Variants in LRFN4 observed in about 807,000 individuals in gnomAD.
The protein encoded by LRFN4 is leucine-rich repeat and fibronectin type-III domain-containing protein 4.
In LRFN4, 10 loss-of-function variants were observed where a neutral mutation model predicts 29.0. The observed-to-expected ratio is 0.35, with a 90% CI of 0.21 to 0.59. The LOEUF is 0.59. LRFN4 is among the 20% of genes least tolerant of loss of function. The pLI is 0.82. For synonymous variants in LRFN4, 493 were observed against 437.0 expected (o/e 1.13, Z -1.60); for missense variants, 850 against 907.9 (o/e 0.94, Z 0.82).
chr11:66,860,380 C>A lies in LRFN4; in HGVS notation c.*185C>A. The A allele has an allele frequency of 1.2e-6, 1 of 867,388 alleles. No individual in the cohort carries two copies. Among genetic ancestry groups the A allele is most frequent in the Non-Finnish European group, 1.9e-6 (1 of 535,770 alleles). 53.7% of individuals were successfully genotyped at this position (867,388 alleles called of 1,614,324 possible). A position where few individuals can be genotyped will look rare whatever the true frequency, so the allele number is the denominator to read the frequency against. On this transcript the variant is annotated 3_prime_UTR_variant, in exon 2 of 2. Coordinates refer to ENST00000309602, the MANE Select transcript of LRFN4 (RefSeq NM_024036.5). ...CCTCCAGACCAGGGTAAGGGCAGGC[C>A]CCTCCAACAGGTGCTCACAGCCACC...
rs755081816 is a variant in LRFN4 at position 66,858,298 on chromosome 11, C to T, written c.554C>T (p.Pro185Leu). The T allele has an allele frequency of 1.9e-6, 3 of 1,611,136 alleles. No homozygotes were observed. The highest frequency in any genetic ancestry group is 2.2e-5 in the South Asian group (2 of 91,076). The change falls in exon 1 of 2, where the codon CCC becomes CTC. Residue 185 changes from proline to leucine, a missense_variant. This residue lies in a region of LRFN4 where 744 missense variants were observed against 753.8 expected (regional missense o/e 0.99). Coordinates refer to ENST00000309602, the MANE Select transcript of LRFN4 (RefSeq NM_024036.5). The surrounding 1 kb of genome is among the most constrained non-coding windows in gnomAD (Gnocchi z 5.9). ...GACCATAACCTTATTGACGCACTGC[C>T]CCCAGGCGCCTTCGCCCAGCTCGGT... ...NLDHNLIDAL[P>L]PGAFAQLGQL...
In LRFN4 at chr11:66,859,927, G is replaced by C. The variant is rs781543693; in HGVS notation, c.1640G>C (p.Gly547Ala). The stretch of plus-strand genomic sequence containing the variant: ...GTTCGGGGCCGGGGGGCCGGAAATG[G>C]CCGCCTCCCCCTCAAGCTCAGCCAC... Reference protein sequence around the residue: ...LLVRGRGAGNGRLPLKLSHVQ... With the variant: ...LLVRGRGAGNARLPLKLSHVQ... The change falls in exon 2 of 2, where the codon GGC becomes GCC. Residue 547 changes from glycine (G) to alanine (A), a missense_variant. Coordinates refer to ENST00000309602, the MANE Select transcript of LRFN4 (RefSeq NM_024036.5). 1.0e-5 allele frequency: 16 copies of C among 1,588,132 alleles called. No individual in the cohort carries two copies. The Middle Eastern group carries it at 9.3e-4, about 93-fold the overall frequency.
rs895890272 is a variant in LRFN4, at chr11:66,858,723, C to G, written c.979C>G (p.Arg327Gly). The change falls in exon 1 of 2, where the codon CGA becomes GGA. Residue 327 changes from arginine to glycine, a missense_variant. Arg to Gly is a moderately radical substitution (Grantham distance 125). Around this residue, in one of 2 missense-constraint regions of LRFN4, gnomAD observed 744 missense variants for 753.8 expected, o/e 0.99. Transcript: ENST00000309602. The surrounding 1 kb of genome is among the most constrained non-coding windows in gnomAD (Gnocchi z 5.9). The stretch of plus-strand genomic sequence containing the variant: ...CGACCGGTTGGTTGGCAACTCCTCC[C>G]GAGCCCGGGCTTTCCCCAACGGGAC... ...PDDRLVGNSS[R>G]ARAFPNGTLE... The G allele has an allele frequency of 1.3e-6, 2 of 1,552,150 alleles. No homozygotes were observed. Among genetic ancestry groups the G allele is most frequent in the South Asian group, 1.2e-5 (1 of 84,704 alleles).
Position 66,857,839 on chromosome 11 carries a change from C to A in LRFN4, c.95C>A (p.Thr32Asn). 1 of 1,606,804 alleles carries A rather than the reference C, an allele frequency of 6.2e-7. No homozygotes were observed. Residue 32 changes from threonine (T) to asparagine (N), a missense_variant, in exon 1 of 2, where the codon ACC (threonine) becomes AAC (asparagine). Coordinates refer to ENST00000309602, the MANE Select transcript of LRFN4 (RefSeq NM_024036.5). This position sits in a 1 kb window ranked among gnomAD's most constrained non-coding sequence, Gnocchi z 7.1. ...VCQNLSESLS[T>N]LCAHRGLLFV... is the part of the protein sequence containing the mutation. The stretch of plus-strand genomic sequence containing the variant: ...CAGAACCTGTCCGAGTCGCTCAGCA[C>A]CCTCTGTGCCCACCGAGGCCTGCTG...
At position 66,860,294 on chromosome 11, in the gene LRFN4, C is replaced by T. The variant is rs113659922; in HGVS notation, c.*99C>T. 6.8e-7 allele frequency: 1 copy of T among 1,463,374 alleles called. No individual in the cohort carries two copies. Among genetic ancestry groups the T allele is most frequent in the African/African-American group, 1.4e-5 (1 of 71,698 alleles). The allele number at this position is 1,463,374 out of a possible 1,614,324, so 90.6% of individuals were successfully genotyped here. A position where few individuals can be genotyped will look rare whatever the true frequency, so the allele number is the denominator to read the frequency against. On this transcript the variant is annotated 3_prime_UTR_variant, in exon 2 of 2. Coordinates refer to ENST00000309602, the MANE Select transcript of LRFN4 (RefSeq NM_024036.5). ...TGGGAGTCCCTCCCTGGTTTTTATT[C>T]TCAGTACCTCAGGCTCCCCTGTGTA...
chr11:66,857,890 G>A lies in LRFN4; in HGVS notation c.146G>A (p.Arg49His). 1.2e-6 allele frequency: 2 copies of A among 1,611,626 alleles called. No individual in the cohort carries two copies. Among genetic ancestry groups the A allele is most frequent in the Non-Finnish European group, 8.5e-7 (1 of 1,179,904 alleles). ...LLFVPPNVDR[R>H]TVELRLADNF... ...TTTGTGCCGCCCAACGTGGACCGGC[G>A]CACAGTGGAGCTGCGGCTGGCTGAC... is the stretch of plus-strand genomic sequence containing the variant. The change falls in exon 1 of 2, where the codon CGC (arginine) becomes CAC (histidine). Residue 49 changes from arginine (R) to histidine (H), a missense_variant. Physicochemically the swap from Arg to His is conservative, Grantham distance 29 (BLOSUM62 0). Transcript: ENST00000309602. The surrounding 1 kb of genome is among the most constrained non-coding windows in gnomAD (Gnocchi z 7.1).
rs1945949449 is a variant in LRFN4, at chr11:66,857,704, C to T, written c.-41C>T. On this transcript the variant is annotated 5_prime_UTR_variant, in exon 1 of 2. Transcript: ENST00000309602. This position sits in a 1 kb window ranked among gnomAD's most constrained non-coding sequence, Gnocchi z 7.1. ...CAAGTGGGCACCTGCGCCAGCCCCA[C>T]CTGTGCCTGGGCTGTGGCCCCTTCC... 2 of 1,556,072 alleles carry T rather than the reference C, an allele frequency of 1.3e-6. No homozygotes were observed. Among genetic ancestry groups the T allele is most frequent in the South Asian group, 2.3e-5 (2 of 85,528 alleles).
Position 66,858,907 on chromosome 11 carries a change from A to T in LRFN4, c.1163A>T (p.Asp388Val). 6.4e-7 allele frequency: 1 copy of T among 1,565,400 alleles called. No homozygotes were observed. Among genetic ancestry groups the T allele is most frequent in the South Asian group, 1.2e-5 (1 of 85,592 alleles). The change falls in exon 1 of 2, where the codon GAC becomes GTC. Residue 388 changes from aspartate to valine, a missense_variant. Physicochemically the swap from Asp to Val is radical, Grantham distance 152. Around this residue, in one of 2 missense-constraint regions of LRFN4, gnomAD observed 744 missense variants for 753.8 expected, o/e 0.99. Coordinates refer to ENST00000309602, the MANE Select transcript of LRFN4 (RefSeq NM_024036.5). The surrounding 1 kb of genome is among the most constrained non-coding windows in gnomAD (Gnocchi z 5.9). ...SAEGGRPGPS[D>V]IAASARTAAE... ...GAGGGGGGCCGCCCCGGGCCCTCGGACATCGCCGCCTCCGCTCGCACTGCT... is the reference window on the plus strand; with the variant it reads ...GAGGGGGGCCGCCCCGGGCCCTCGGTCATCGCCGCCTCCGCTCGCACTGCT...
rs1430517357 is a variant in LRFN4 at position 66,860,153 on chromosome 11, G to A, written c.1866G>A (p.Gly622=). Residue 622 remains glycine, a synonymous_variant, in exon 2 of 2, where the codon GGG becomes GGA. Coordinates refer to ENST00000309602, the MANE Select transcript of LRFN4 (RefSeq NM_024036.5). ...HGGLLGAGCR[G]VGGSAERLEE... is the part of the protein sequence containing the mutation. Reference sequence around the variant, plus strand: ...GGCTGCTCGGGGCAGGGTGCCGGGGGGTAGGAGGCAGCGCCGAGCGGCTGG... The same window carrying A: ...GGCTGCTCGGGGCAGGGTGCCGGGGAGTAGGAGGCAGCGCCGAGCGGCTGG... 2 of 1,549,096 alleles carry A rather than the reference G, an allele frequency of 1.3e-6. No homozygotes were observed. The highest frequency in any genetic ancestry group is 1.7e-4 in the Middle Eastern group (1 of 5,990).
rs747961602 is a variant in LRFN4 at position 66,860,260 on chromosome 11, C to T, written c.*65C>T. ...CGTGGGGCAGAGGGCCCGGGGCCGC[C>T]GCCTGGCCTGGGAGTCCCTCCCTGG... On this transcript the variant is annotated 3_prime_UTR_variant, in exon 2 of 2. Coordinates refer to ENST00000309602, the MANE Select transcript of LRFN4 (RefSeq NM_024036.5). The T allele has an allele frequency of 3.0e-5, 46 of 1,534,872 alleles. No individual in the cohort carries two copies. Among genetic ancestry groups the T allele is most frequent in the African/African-American group, 2.9e-4 (21 of 72,984 alleles).
chr11:66,859,876 T>C lies in LRFN4; in HGVS notation c.1589T>C (p.Leu530Ser). 5.1e-6 allele frequency: 8 copies of C among 1,565,770 alleles called. No homozygotes were observed. Among genetic ancestry groups the C allele is most frequent in the South Asian group, 1.2e-5 (1 of 82,750 alleles). The change falls in exon 2 of 2, where the codon TTA (leucine) becomes TCA (serine). Residue 530 changes from leucine (L) to serine (S), a missense_variant. By Grantham distance (145) the Leu-to-Ser change is moderately radical (BLOSUM62 -2). Around this residue, in one of 2 missense-constraint regions of LRFN4, gnomAD observed 744 missense variants for 753.8 expected, o/e 0.99. Transcript: ENST00000309602. ...GTGGGGGGTGTGCTGGTGGCTGCCT[T>C]ACTGGTCTTCACTGTGGCCTTGCTG... ...VAVGGVLVAA[L>S]LVFTVALLVR...
intron 1 of LRFN4, 108 bp downstream of exon 1, chr11:66,859,201 C>G (rs931650660): frequency 2.5e-5 from 33 of 1,328,624 alleles, no homozygotes; most frequent in Admixed American, 1.1e-4. Flanking sequence ...GCTGACACCC[C>G]CTCCCCGACC....
rs776067349 is a variant in LRFN4 at position 66,859,073 on chromosome 11, A to G, written c.1329A>G (p.Glu443=). The change falls in exon 1 of 2, where the codon GAA becomes GAG. Residue 443 remains glutamate, a synonymous_variant. Transcript: ENST00000309602. ...WMFQIQYNSS[E]DETLIYRIVP... is the part of the protein sequence containing the mutation. ...TCCAAATCCAGTACAACAGCAGCGAAGATGAGACCCTCATCTACCGGTGAG... is the reference window on the plus strand; with the variant it reads ...TCCAAATCCAGTACAACAGCAGCGAGGATGAGACCCTCATCTACCGGTGAG... The G allele has an allele frequency of 3.9e-5, 58 of 1,490,556 alleles. 1 individual carries two copies. The highest frequency in any genetic ancestry group is 1.8e-6 in the Non-Finnish European group (2 of 1,120,490). 92.3% of individuals were successfully genotyped at this position (1,490,556 alleles called of 1,614,324 possible).
Position 66,859,681 on chromosome 11 carries a change from T to C in LRFN4, c.1394T>C (p.Val465Ala). Residue 465 changes from valine (V) to alanine (A), a missense_variant, in exon 2 of 2, where the codon GTC (valine) becomes GCC (alanine). This residue lies in a region of LRFN4 where 744 missense variants were observed against 753.8 expected (regional missense o/e 0.99). Coordinates refer to ENST00000309602, the MANE Select transcript of LRFN4 (RefSeq NM_024036.5). ...SSHHFLLKHL[V>A]PGADYDLCLL... The stretch of plus-strand genomic sequence containing the variant: ...CACCACTTCCTGCTGAAGCACCTCG[T>C]CCCCGGCGCTGACTATGACCTCTGC... 1 of 1,612,936 alleles carries C rather than the reference T, an allele frequency of 6.2e-7. No homozygotes were observed. Among genetic ancestry groups the C allele is most frequent in the African/African-American group, 1.3e-5 (1 of 75,040 alleles).
chr11:66,859,811 C>G lies in LRFN4; in HGVS notation c.1524C>G (p.Ala508=). The change falls in exon 2 of 2, where the codon GCC becomes GCG. Residue 508 remains alanine (A), a synonymous_variant. Transcript: ENST00000309602. ...STLPASPLCH[A]LQAHVLGGTL... ...TGCCGGCCTCGCCCCTGTGCCACGCCCTGCAGGCCCACGTGCTGGGCGGGA... is the reference window on the plus strand; with the variant it reads ...TGCCGGCCTCGCCCCTGTGCCACGCGCTGCAGGCCCACGTGCTGGGCGGGA... The G allele has an allele frequency of 6.3e-7, 1 of 1,586,168 alleles. No homozygotes were observed. Among genetic ancestry groups the G allele is most frequent in the Non-Finnish European group, 8.6e-7 (1 of 1,165,884 alleles).
rs771967835 is a variant in LRFN4 at position 66,859,058 on chromosome 11, G to A, written c.1314G>A (p.Gln438=). 12 of 1,498,456 alleles carry A rather than the reference G, an allele frequency of 8.0e-6. No homozygotes were observed. In the South Asian group the frequency reaches 1.2e-4, roughly 15 times the overall value. 92.8% of individuals were successfully genotyped at this position (1,498,456 alleles called of 1,614,324 possible). Reference sequence around the variant, plus strand: ...ACCCAGTGTGGATGTTCCAAATCCAGTACAACAGCAGCGAAGATGAGACCC... The same window carrying A: ...ACCCAGTGTGGATGTTCCAAATCCAATACAACAGCAGCGAAGATGAGACCC... The part of the protein sequence containing the change: ...PADPVWMFQI[Q]YNSSEDETLI... The change falls in exon 1 of 2, where the codon CAG becomes CAA. Residue 438 remains glutamine (Q), a synonymous_variant. Coordinates refer to ENST00000309602, the MANE Select transcript of LRFN4 (RefSeq NM_024036.5).
At position 66,858,197 on chromosome 11, in the gene LRFN4, C is replaced by T; in HGVS notation, c.453C>T (p.Asp151=). ...DDFLESLEDL[D]LSYNNLRQVP... is the part of the protein sequence containing the mutation. ...TCCTAGAGAGCCTGGAGGACCTGGA[C>T]CTGTCCTACAACAACCTCCGGCAGG... Residue 151 remains aspartate, a synonymous_variant, in exon 1 of 2, where the codon GAC becomes GAT. Coordinates refer to ENST00000309602, the MANE Select transcript of LRFN4 (RefSeq NM_024036.5). The surrounding 1 kb of genome is among the most constrained non-coding windows in gnomAD (Gnocchi z 5.9). 1.2e-6 allele frequency: 2 copies of T among 1,612,392 alleles called. No homozygotes were observed. The highest frequency in any genetic ancestry group is 1.7e-6 in the Non-Finnish European group (2 of 1,179,772).
At position 66,860,141 on chromosome 11, in the gene LRFN4, A is replaced by G. The variant is rs1302239077; in HGVS notation, c.1854A>G (p.Ala618=). ...CTGTGCATGGGGGGCTGCTCGGGGC[A>G]GGGTGCCGGGGGGTAGGAGGCAGCG... ...SHSVHGGLLG[A]GCRGVGGSAE... is the part of the protein sequence containing the mutation. The change falls in exon 2 of 2, where the codon GCA becomes GCG. Residue 618 remains alanine, a synonymous_variant. Coordinates refer to ENST00000309602, the MANE Select transcript of LRFN4 (RefSeq NM_024036.5). 1 of 1,549,486 alleles carries G rather than the reference A, an allele frequency of 6.5e-7. No homozygotes were observed. Among genetic ancestry groups the G allele is most frequent in the East Asian group, 2.4e-5 (1 of 41,036 alleles).
Position 66,858,436 on chromosome 11 carries a change from T to A in LRFN4, c.692T>A (p.Phe231Tyr), listed in dbSNP as rs1177394951. The A allele has an allele frequency of 1.3e-6, 2 of 1,552,986 alleles. No homozygotes were observed. The highest frequency in any genetic ancestry group is 8.7e-7 in the Non-Finnish European group (1 of 1,155,532). Reference sequence around the variant, plus strand: ...TCTCCCGCCCCCCTGGTGCTGAGCTTTAGCGGGAACCCCCTGCACTGCAAC... The same window carrying A: ...TCTCCCGCCCCCCTGGTGCTGAGCTATAGCGGGAACCCCCTGCACTGCAAC... Reference protein sequence around the residue: ...EASPAPLVLSFSGNPLHCNCE... With the variant: ...EASPAPLVLSYSGNPLHCNCE... The change falls in exon 1 of 2, where the codon TTT becomes TAT. Residue 231 changes from phenylalanine (F) to tyrosine (Y), a missense_variant. Around this residue, in one of 2 missense-constraint regions of LRFN4, gnomAD observed 744 missense variants for 753.8 expected, o/e 0.99. Transcript: ENST00000309602. The surrounding 1 kb of genome is among the most constrained non-coding windows in gnomAD (Gnocchi z 5.9).
Sources: gnomAD v4.1 joint callset for allele counts on GRCh38, gnomAD v4.1.1 for gene constraint, gnomAD v4.1.1 regional missense constraint, Gnocchi (gnomAD v3.1) non-coding constraint, MANE v1.5 for transcripts, NCBI Gene and HGNC (gene_info 2026-07-23, HGNC 2026-07-21) for gene names.